LRRTM4: variants seen among roughly 807,000 people sequenced by gnomAD.
LRRTM4 encodes the protein leucine rich repeat transmembrane neuronal 4.
Under a neutral mutation model 47.6 loss-of-function variants are expected in LRRTM4, and 25 were observed. The observed-to-expected ratio is 0.53, with a 90% CI of 0.38 to 0.73. The LOEUF is 0.73. Among genes scored for constraint, LRRTM4 ranks in the 30% least tolerant of loss-of-function variants. LRRTM4 has a pLI of 0.00. For missense variants in LRRTM4, 638 were observed against 713.4 expected, an observed-to-expected ratio of 0.89 and a Z score of 1.20; for synonymous variants, 311 against 269.5, an observed-to-expected ratio of 1.15 and a Z score of -1.51.
chr2:76,889,315 TATTG>T (rs1673177051), intron 3 of LRRTM4, among the ~76,000 whole-genome samples: 2 of 152,000 alleles, frequency 1.3e-5, no homozygotes, highest in African/African-American at 2.4e-5. Flanking sequence ...AGAAGCCAGA[TATTG>T]ATTGTGAGTT....
At chr2:77,121,692 T>C (rs1243595906) in intron 3 of LRRTM4, among the ~76,000 whole-genome samples, 1 of 151,866 alleles carries the variant, frequency 6.6e-6, no homozygotes, top group Non-Finnish European at 1.5e-5. Context: ...AACTGGACTT[T>C]CGTAATTTGA....
intron 3 of LRRTM4, among the ~76,000 whole-genome samples, chr2:76,843,552 A>G (rs1273921414): frequency 6.6e-6 from 1 of 152,206 alleles, no homozygotes; most frequent in African/African-American, 2.4e-5. Flanking sequence ...ATAACTGAAT[A>G]TTTCATAATA....
At chr2:76,871,295 T>C (rs534490126) in intron 3 of LRRTM4, among the ~76,000 whole-genome samples, 1 of 152,312 alleles carries the variant, frequency 6.6e-6, no homozygotes, top group African/African-American at 2.4e-5. Context: ...AGAAGATTTC[T>C]AGTTCAATCT....
chr2:77,054,955 C>T (rs1679553937), intron 3 of LRRTM4, among the ~76,000 whole-genome samples: 1 of 152,194 alleles, frequency 6.6e-6, no homozygotes, highest in Middle Eastern at 3.2e-3. Context: ...TTATTAGCAA[C>T]CAGATCACTT....
intron 3 of LRRTM4, among the ~76,000 whole-genome samples, chr2:77,393,826 A>G (rs1410300513): frequency 1.3e-5 from 2 of 151,988 alleles, no homozygotes; most frequent in Non-Finnish European, 2.9e-5. Context: ...TTTTTGGTTT[A>G]GTACATTGGA....
intron 3 of LRRTM4, among the ~76,000 whole-genome samples, chr2:77,353,639 C>CT (rs1671865188): frequency 1.3e-5 from 2 of 151,982 alleles, no homozygotes; most frequent in African/African-American, 2.4e-5. Flanking sequence ...TTTTATAATC[C>CT]TTTTTTACCT....
chr2:77,448,654 AT>A (rs150327018), intron 3 of LRRTM4, among the ~76,000 whole-genome samples: 16,000 of 151,910 alleles, frequency 0.11, 1,109 homozygotes, highest in Non-Finnish European at 0.16. Context: ...ATGAAGTAAA[AT>A]ATTAGTGTGG....
intron 3 of LRRTM4, among the ~76,000 whole-genome samples, chr2:76,835,298 A>G (rs1306621363): frequency 7.1e-6 from 1 of 140,588 alleles, no homozygotes; most frequent in African/African-American, 2.5e-5. Flanking sequence ...ATGAAAACTA[A>G]TGTGAGTGTC....
intron 3 of LRRTM4, among the ~76,000 whole-genome samples, chr2:77,234,059 A>G (rs890227085): frequency 6.6e-6 from 1 of 152,154 alleles, no homozygotes; most frequent in Non-Finnish European, 1.5e-5. Context: ...CTGGGATTAC[A>G]GGTGTGAGCC....
At chr2:77,418,973 C>T (rs1674757488) in intron 3 of LRRTM4, among the ~76,000 whole-genome samples, 1 of 152,134 alleles carries the variant, frequency 6.6e-6, no homozygotes, top group Non-Finnish European at 1.5e-5. Context: ...TCCTGATGTT[C>T]ACTTATTCAT....
intron 3 of LRRTM4, among the ~76,000 whole-genome samples, chr2:77,365,767 A>T (rs1335658759): frequency 6.6e-6 from 1 of 151,360 alleles, no homozygotes; most frequent in African/African-American, 2.4e-5. Flanking sequence ...TTAGTGAAAA[A>T]AGCTTAAACT....
chr2:77,214,097 T>C (rs188240577), intron 3 of LRRTM4, among the ~76,000 whole-genome samples: 1 of 152,326 alleles, frequency 6.6e-6, no homozygotes, highest in African/African-American at 2.4e-5. Flanking sequence ...CCTGATTTTG[T>C]TCTGGCAATA....
At chr2:77,293,272 A>T (rs1676880234) in intron 3 of LRRTM4, among the ~76,000 whole-genome samples, 1 of 152,156 alleles carries the variant, frequency 6.6e-6, no homozygotes, top group African/African-American at 2.4e-5. Flanking sequence ...TTTGTTGAGA[A>T]CTTATTTTAT....
intron 3 of LRRTM4, among the ~76,000 whole-genome samples, chr2:77,162,272 G>A (rs759760968): frequency 6.6e-6 from 1 of 152,218 alleles, no homozygotes; most frequent in Non-Finnish European, 1.5e-5. Flanking sequence ...AAGGCTGGGG[G>A]TGGGGCGTCT....
chr2:77,108,366 AT>A (rs1356679649), intron 3 of LRRTM4, among the ~76,000 whole-genome samples: 1 of 152,088 alleles, frequency 6.6e-6, no homozygotes, highest in Non-Finnish European at 1.5e-5. Flanking sequence ...TATAAAGAAC[AT>A]TGTATAAGAA....
chr2:77,079,611 A>G (rs1024630659), intron 3 of LRRTM4, among the ~76,000 whole-genome samples: 2 of 152,180 alleles, frequency 1.3e-5, no homozygotes, highest in Non-Finnish European at 2.9e-5. Context: ...GGCCCAATGA[A>G]ACCAAAAGAT....
At chr2:76,983,184 T>C (rs1464340287) in intron 3 of LRRTM4, among the ~76,000 whole-genome samples, 1 of 152,064 alleles carries the variant, frequency 6.6e-6, no homozygotes, top group African/African-American at 2.4e-5. Context: ...AGTAACGTTA[T>C]AATAAACCTA....
chr2:77,105,042 A>C (rs1396107980), intron 3 of LRRTM4, among the ~76,000 whole-genome samples: 3 of 140,834 alleles, frequency 2.1e-5, no homozygotes, highest in African/African-American at 8.2e-5. Flanking sequence ...AGCTAACTAA[A>C]AAAATGAAAA....
chr2:77,240,768 C>T (rs578262745), intron 3 of LRRTM4, among the ~76,000 whole-genome samples: 52 of 151,596 alleles, frequency 3.4e-4, no homozygotes, highest in African/African-American at 7.5e-4. Context: ...ATACTAGCAA[C>T]GAAAAATTTG....
Sources: allele counts gnomAD v4.1 joint callset (sites outside exome capture counted in the v4.1 genomes callset), GRCh38; gene constraint gnomAD v4.1.1; transcripts MANE v1.5; gene names NCBI Gene and HGNC (gene_info 2026-07-23, HGNC 2026-07-21).